Variants in RFX3 observed in about 807,000 individuals in gnomAD.
The protein encoded by RFX3 is regulatory factor X3.
Under a neutral mutation model 98.6 loss-of-function variants are expected in RFX3, and 14 were observed. The ratio of observed to expected loss-of-function variants is 0.14; its 90% CI spans 0.09 to 0.22. The LOEUF is 0.22. Among genes scored for constraint, RFX3 ranks in the 10% least tolerant of loss-of-function variants. RFX3 has a pLI of 1.00. For missense variants in RFX3, 639 were observed against 926.9 expected (o/e 0.69, Z 4.03); for synonymous variants, 383 against 328.4 (o/e 1.17, Z -1.80).
chr9:3,467,059 C>CAT (rs1206381897), intron 1 of RFX3, among the ~76,000 whole-genome samples: 3 of 137,620 alleles, frequency 2.2e-5, no homozygotes, highest in Non-Finnish European at 4.7e-5. Context: ...TATATACATA[C>CAT]ATATATATAA....
intron 1 of RFX3, among the ~76,000 whole-genome samples, chr9:3,457,378 G>A (rs764380034): frequency 5.3e-5 from 8 of 151,950 alleles, no homozygotes; most frequent in Non-Finnish European, 1.0e-4. Flanking sequence ...CTAGTTGAGA[G>A]CAAAAAAGTG....
At chr9:3,428,440 G>A (rs888930771) in intron 1 of RFX3, among the ~76,000 whole-genome samples, 7 of 152,144 alleles carry the variant, frequency 4.6e-5, no homozygotes, top group Non-Finnish European at 7.3e-5. Flanking sequence ...AGTTTCTGAA[G>A]TTAAGTAAAA....
chr9:3,340,989 C>G (rs978508869), intron 3 of RFX3, among the ~76,000 whole-genome samples: 4 of 152,062 alleles, frequency 2.6e-5, no homozygotes, highest in Non-Finnish European at 4.4e-5. Flanking sequence ...CAATAGCAAA[C>G]ACTTGGAACC....
chr9:3,314,365 G>A (rs1344172794), intron 4 of RFX3, among the ~76,000 whole-genome samples: 2 of 152,198 alleles, frequency 1.3e-5, no homozygotes, highest in African/African-American at 2.4e-5. Context: ...AAGAGCTGCT[G>A]AAGGAAGCAC....
chr9:3,250,339 A>G (rs1422350931), intron 14 of RFX3, among the ~76,000 whole-genome samples: 1 of 152,056 alleles, frequency 6.6e-6, no homozygotes, highest in African/African-American at 2.4e-5. Flanking sequence ...AAAAATTTAA[A>G]GTATAAGACA....
chr9:3,281,209 G>C (rs1266559867), intron 7 of RFX3, among the ~76,000 whole-genome samples: 2 of 151,120 alleles, frequency 1.3e-5, no homozygotes, highest in Non-Finnish European at 3.0e-5. Context: ...GTTAACCTTG[G>C]TTGAATTTCA....
chr9:3,378,273 C>T (rs1488839402), intron 2 of RFX3, among the ~76,000 whole-genome samples: 1 of 152,062 alleles, frequency 6.6e-6, no homozygotes, highest in Non-Finnish European at 1.5e-5. Flanking sequence ...TTTCTGCCTG[C>T]AATATTAATG....
intron 2 of RFX3, among the ~76,000 whole-genome samples, chr9:3,371,375 A>C (rs1368969127): frequency 6.6e-6 from 1 of 152,206 alleles, no homozygotes; most frequent in Non-Finnish European, 1.5e-5. Flanking sequence ...ATTAGAGCAA[A>C]GTACTTAGGA....
At chr9:3,514,574 G>C (rs1017771236) in intron 1 of RFX3, among the ~76,000 whole-genome samples, 1 of 152,026 alleles carries the variant, frequency 6.6e-6, no homozygotes, top group African/African-American at 2.4e-5. Flanking sequence ...CCTCAGTCCT[G>C]AGGGGGTGGT....
At chr9:3,336,606 A>G (rs966198705) in intron 3 of RFX3, among the ~76,000 whole-genome samples, 1 of 152,180 alleles carries the variant, frequency 6.6e-6, no homozygotes, top group African/African-American at 2.4e-5. Context: ...ACAACACAGG[A>G]AAGATCCTGA....
intron 9 of RFX3, among the ~76,000 whole-genome samples, chr9:3,274,261 T>C (rs919990217): frequency 1.3e-5 from 2 of 152,190 alleles, no homozygotes; most frequent in Non-Finnish European, 2.9e-5. Flanking sequence ...AAAATGTCTA[T>C]TAATGCTATG....
intron 3 of RFX3, among the ~76,000 whole-genome samples, chr9:3,337,720 C>G (rs962139550): frequency 3.3e-5 from 5 of 152,170 alleles, no homozygotes; most frequent in African/African-American, 1.2e-4. Context: ...TCACTTGTGC[C>G]TGCCTGTTTC....
intron 13 of RFX3, among the ~76,000 whole-genome samples, chr9:3,259,929 T>A: frequency 6.6e-6 from 1 of 152,082 alleles, no homozygotes; most frequent in East Asian, 1.9e-4. Context: ...ATCATTCTTA[T>A]ATTGTCAGAT....
chr9:3,246,647 G>A (rs1163684479), intron 15 of RFX3, among the ~76,000 whole-genome samples: 1 of 152,190 alleles, frequency 6.6e-6, no homozygotes, highest in Non-Finnish European at 1.5e-5. Flanking sequence ...GAGTCCACGT[G>A]CTACCTGGGC....
chr9:3,503,469 G>C lies in RFX3; in HGVS notation c.-9+22278C>G, dbSNP rs181128434. ...ACAGTAGAATAGCCTCGAATACTGTGAAACTGTACATTTCATAATGGATGA... is the reference window on the plus strand; with the variant it reads ...ACAGTAGAATAGCCTCGAATACTGTCAAACTGTACATTTCATAATGGATGA... On this transcript the variant is annotated intron_variant, in intron 1 of 16. Coordinates refer to ENST00000617270, the MANE Select transcript of RFX3 (RefSeq NM_001282116.2). 3.6e-4 allele frequency among the ~76,000 whole-genome samples: 55 copies of C among 152,060 alleles called. 1 individual carries two copies. The highest frequency in any genetic ancestry group is 1.3e-3 in the African/African-American group (54 of 41,496).
intron 1 of RFX3, among the ~76,000 whole-genome samples, chr9:3,481,959 C>T (rs1373881831): frequency 2.0e-5 from 3 of 151,968 alleles, no homozygotes; most frequent in Admixed American, 6.6e-5. Context: ...TGAAATGGTA[C>T]AACCTTTCTA....
At chr9:3,478,784 CAG>C (rs772335936) in intron 1 of RFX3, among the ~76,000 whole-genome samples, 7 of 152,162 alleles carry the variant, frequency 4.6e-5, no homozygotes, top group Non-Finnish European at 1.0e-4. Context: ...GCTAGTTCTC[CAG>C]ACTTTCCTTT....
intron 1 of RFX3, among the ~76,000 whole-genome samples, chr9:3,518,670 T>G (rs1286089439): frequency 6.6e-6 from 1 of 152,214 alleles, no homozygotes; most frequent in Non-Finnish European, 1.5e-5. Context: ...AGGAAATTAC[T>G]GAATAGCAAC....
intron 1 of RFX3, among the ~76,000 whole-genome samples, chr9:3,510,862 T>A (rs1391696962): frequency 6.6e-6 from 1 of 152,066 alleles, no homozygotes; most frequent in Non-Finnish European, 1.5e-5. Context: ...TTGAAAAGTA[T>A]AAAAATCTAA....
Sources: allele counts gnomAD v4.1 joint callset (sites outside exome capture counted in the v4.1 genomes callset), GRCh38; gene constraint gnomAD v4.1.1; transcripts MANE v1.5; gene names NCBI Gene and HGNC (gene_info 2026-07-23, HGNC 2026-07-21).